TENM3: variants seen among roughly 807,000 people sequenced by gnomAD.
The protein encoded by TENM3 is teneurin transmembrane protein 3, also known as teneurin-3.
TENM3 carries 63 observed loss-of-function variants against 255.1 expected under a neutral mutation model. That is an observed-to-expected ratio of 0.25 (90% CI 0.20 to 0.30). The LOEUF is 0.30. Ranked by LOEUF, TENM3 falls within the 10% of genes least tolerant of loss-of-function variation. The probability of loss-of-function intolerance (pLI) is 1.00; values close to 1 mark genes in which losing one functional copy is unlikely to be tolerated. For missense variants in TENM3, 2,929 were observed against 3,461.1 expected (o/e 0.85, Z 3.86); for synonymous variants, 1,306 against 1,322.3 (o/e 0.99, Z 0.27).
chr4:181,885,115 A>G, the TENM3 span, among the ~76,000 whole-genome samples: 3 of 152,208 alleles, frequency 2.0e-5, no homozygotes, highest in African/African-American at 7.2e-5. Flanking sequence ...ATAATGTATA[A>G]GCACTACAAG....
the TENM3 span, among the ~76,000 whole-genome samples, chr4:181,573,128 T>A: frequency 6.6e-6 from 1 of 152,236 alleles, no homozygotes; most frequent in East Asian, 1.9e-4. Context: ...CACGTTTTTT[T>A]ATCCATTCAT....
At chr4:182,247,270 C>T (rs1297107403) in intron 1 of TENM3, among the ~76,000 whole-genome samples, 1 of 152,090 alleles carries the variant, frequency 6.6e-6, no homozygotes, top group African/African-American at 2.4e-5. Flanking sequence ...AAGAAAAACC[C>T]TATGAAGAGC....
chr4:181,456,104 T>C, the TENM3 span, among the ~76,000 whole-genome samples: 1 of 117,772 alleles, frequency 8.5e-6, no homozygotes, highest in East Asian at 2.1e-4. Context: ...TATGTGTGTG[T>C]GTGTGTGTGT....
intron 16 of TENM3, among the ~76,000 whole-genome samples, chr4:182,731,851 G>C (rs62337107): frequency 4.0e-5 from 6 of 150,024 alleles, no homozygotes; most frequent in African/African-American, 1.5e-4. Flanking sequence ...GCACGATCTC[G>C]GCTCACTGCA....
intron 1 of TENM3, among the ~76,000 whole-genome samples, chr4:182,249,887 C>T (rs1458629318): frequency 2.0e-5 from 3 of 151,868 alleles, no homozygotes; most frequent in South Asian, 2.1e-4. Context: ...CCCAGCCTCC[C>T]GAGTAGCTGA....
upstream of TENM3, among the ~76,000 whole-genome samples, chr4:182,139,627 C>T (rs142127212): frequency 6.6e-6 from 1 of 152,340 alleles, no homozygotes; most frequent in East Asian, 1.9e-4. Context: ...AAGGTTCCAA[C>T]TTTCACTGTG....
At chr4:182,745,448 A>G (rs577292766) in intron 19 of TENM3, among the ~76,000 whole-genome samples, 1 of 152,352 alleles carries the variant, frequency 6.6e-6, no homozygotes, top group Non-Finnish European at 1.5e-5. Flanking sequence ...AAATGTGAAA[A>G]TGCTGGAGGC....
In TENM3 at chr4:182,595,734, A is replaced by G. The variant is rs374760184; in HGVS notation, c.512-5190A>G. 5.3e-5 allele frequency among the ~76,000 whole-genome samples: 8 copies of G among 152,278 alleles called. No homozygotes were observed. In the East Asian group the frequency reaches 9.7e-4, roughly 18 times the overall value. On this transcript the variant is annotated intron_variant, in intron 3 of 27. Transcript: ENST00000511685. ...GGTACCGAGAATTTAATTTTCAGAA[A>G]GATAGAGAGGAATATTTTGAAAAAA...
At chr4:181,841,338 A>G in the TENM3 span, among the ~76,000 whole-genome samples, 1 of 152,104 alleles carries the variant, frequency 6.6e-6, no homozygotes, top group East Asian at 1.9e-4. Context: ...CATTTTCCAA[A>G]GTGTACTAAG....
intron 3 of TENM3, among the ~76,000 whole-genome samples, chr4:182,590,538 CAAAAAAAAAAAAA>C (rs34681777): frequency 1.9e-4 from 15 of 79,962 alleles, no homozygotes; most frequent in African/African-American, 1.0e-4. Flanking sequence ...GACCCTGTCT[CAAAAAAAAAAAAA>C]AAAAAAAAAA....
chr4:181,602,005 T>A, the TENM3 span, among the ~76,000 whole-genome samples: 5 of 152,216 alleles, frequency 3.3e-5, no homozygotes, highest in Non-Finnish European at 7.3e-5. Context: ...AATCTCATCT[T>A]GTGATCTTTA....
At chr4:182,186,581 C>A (rs1306724784) in intron 1 of TENM3, among the ~76,000 whole-genome samples, 2 of 150,572 alleles carry the variant, frequency 1.3e-5, no homozygotes, top group Admixed American at 6.6e-5. Flanking sequence ...TAATGTTAAA[C>A]CATGTCTATA....
the TENM3 span, among the ~76,000 whole-genome samples, chr4:181,555,611 A>T: frequency 6.6e-6 from 1 of 152,220 alleles, no homozygotes; most frequent in Non-Finnish European, 1.5e-5. Context: ...AAGTATCCTT[A>T]ATGCCTCAAT....
chr4:182,112,878 A>T, the TENM3 span, among the ~76,000 whole-genome samples: 1 of 152,294 alleles, frequency 6.6e-6, no homozygotes, highest in East Asian at 1.9e-4. Flanking sequence ...AAAAAGGTCA[A>T]TATTATTGCT....
At chr4:181,820,273 G>C in the TENM3 span, 23 of 152,076 alleles carry the variant, frequency 1.5e-4, no homozygotes, top group African/African-American at 5.3e-4. Flanking sequence ...TTATTTCCTA[G>C]AACAATTCCG....
the TENM3 span, among the ~76,000 whole-genome samples, chr4:181,665,861 C>A: frequency 2.6e-5 from 4 of 151,700 alleles, no homozygotes; most frequent in South Asian, 4.2e-4. Flanking sequence ...TCGTATATAT[C>A]TAAAAATCTT....
the TENM3 span, among the ~76,000 whole-genome samples, chr4:181,776,237 C>A: frequency 2.0e-5 from 3 of 152,090 alleles, no homozygotes; most frequent in African/African-American, 7.2e-5. Context: ...ATCCACGTCG[C>A]TGTAAATGAC....
the TENM3 span, among the ~76,000 whole-genome samples, chr4:181,466,601 G>A: frequency 5.3e-5 from 8 of 152,256 alleles, no homozygotes; most frequent in African/African-American, 1.9e-4. Flanking sequence ...CAGTCAGATT[G>A]TAATAACTAT....
the TENM3 span, among the ~76,000 whole-genome samples, chr4:181,795,987 C>T: frequency 6.6e-6 from 1 of 151,992 alleles, no homozygotes; most frequent in Admixed American, 6.6e-5. Flanking sequence ...AGGCTAGAGG[C>T]CTGAGTATGG....
Sources: allele counts gnomAD v4.1 joint callset (sites outside exome capture counted in the v4.1 genomes callset), GRCh38; gene constraint gnomAD v4.1.1; transcripts MANE v1.5; gene names NCBI Gene and HGNC (gene_info 2026-07-23, HGNC 2026-07-21).